Variants in LCMT1 observed in about 807,000 individuals in gnomAD.
The protein encoded by LCMT1 is [Phosphatase 2A protein]-leucine-carboxy methyltransferase 1.
Under a neutral mutation model 47.7 loss-of-function variants are expected in LCMT1, and 32 were observed. The ratio of observed to expected loss-of-function variants is 0.67; its 90% CI spans 0.51 to 0.90. The LOEUF (loss-of-function observed/expected upper bound fraction) is 0.90, where lower values mean the gene tolerates loss of function less well. LCMT1 is among the 40% of genes least tolerant of loss of function. LCMT1 has a pLI of 0.00. For missense variants in LCMT1, 375 were observed against 415.2 expected (o/e 0.90, Z 0.84); for synonymous variants, 152 against 149.7 (o/e 1.02, Z -0.11).
chr16:25,122,609 G>T (rs1025840404), intron 1 of LCMT1, among the ~76,000 whole-genome samples: 2 of 151,616 alleles, frequency 1.3e-5, no homozygotes, highest in East Asian at 2.0e-4. Context: ...GATTACAGGT[G>T]CGAGCCACTG....
At chr16:25,162,314 C>T (rs866109485) in intron 6 of LCMT1, among the ~76,000 whole-genome samples, 8 of 152,136 alleles carry the variant, frequency 5.3e-5, no homozygotes, top group South Asian at 2.1e-4. Flanking sequence ...ATAGGCTGGG[C>T]GTGGTGCCTC....
intron 1 of LCMT1, among the ~76,000 whole-genome samples, chr16:25,117,021 G>T (rs551999621): frequency 6.6e-6 from 1 of 152,170 alleles, no homozygotes; most frequent in African/African-American, 2.4e-5. Flanking sequence ...GGAGTGGGTA[G>T]CAGGTTAGAA....
chr16:25,116,225 G>C (rs534512528), intron 1 of LCMT1, among the ~76,000 whole-genome samples: 4 of 152,282 alleles, frequency 2.6e-5, no homozygotes, highest in East Asian at 3.9e-4. Context: ...ACTGAAAGCA[G>C]GTGGGAAAAT....
In LCMT1 at chr16:25,176,550, CTTTTTTTTTTTTTTTTT is replaced by C. The variant is rs1170373745; in HGVS notation, c.983-1437_983-1421del. On this transcript the variant is annotated intron_variant, in intron 10 of 10. Coordinates refer to ENST00000399069, the MANE Select transcript of LCMT1 (RefSeq NM_016309.3). ...GGTTTTGGTTTTTGTTTTTTTTTGGCTTTTTTTTTTTTTTTTTTTTTTTTTTTTTTGAGATGGAGTCT... is the reference window on the plus strand; with the variant it reads ...GGTTTTGGTTTTTGTTTTTTTTTGGCTTTTTTTTTTTTTGAGATGGAGTCT... Among the ~76,000 whole-genome samples, 6 of 44,270 alleles carry C rather than the reference CTTTTTTTTTTTTTTTTT, an allele frequency of 1.4e-4. No homozygotes were observed. The East Asian group carries it at 2.9e-3, about 22-fold the overall frequency. The allele number at this position is 44,270 out of a possible 152,430, so 29.0% of individuals were successfully genotyped here. A position where few individuals can be genotyped will look rare whatever the true frequency, so the allele number is the denominator to read the frequency against.
chr16:25,139,001 G>C (rs1247410289), intron 3 of LCMT1, among the ~76,000 whole-genome samples: 1 of 151,890 alleles, frequency 6.6e-6, no homozygotes, highest in African/African-American at 2.4e-5. Context: ...GTGCAGCAGC[G>C]CGATCTCAGC....
chr16:25,135,452 A>G (rs917329485), intron 3 of LCMT1, among the ~76,000 whole-genome samples: 16 of 152,216 alleles, frequency 1.1e-4, no homozygotes, highest in African/African-American at 3.1e-4. Flanking sequence ...CAGCCATATG[A>G]CAATTATAAC....
At position 25,128,582 on chromosome 16, in the gene LCMT1, C is replaced by T. The variant is rs1279893499; in HGVS notation, c.205+16C>T. ...ATCAACAGAGGCAAGTGACCATCTC[C>T]CTCCCCAACAGCACCTCATCAGCTA... On this transcript the variant is annotated intron_variant, in intron 2 of 10. Coordinates refer to ENST00000399069, the MANE Select transcript of LCMT1 (RefSeq NM_016309.3). The T allele has an allele frequency of 6.4e-7, 1 of 1,565,374 alleles. No individual in the cohort carries two copies. The highest frequency in any genetic ancestry group is 1.7e-4 in the Middle Eastern group (1 of 6,002).
chr16:25,124,046 T>C (rs1960083628), intron 1 of LCMT1, among the ~76,000 whole-genome samples: 1 of 152,204 alleles, frequency 6.6e-6, no homozygotes. Flanking sequence ...TACTGAGTAT[T>C]CTTAGTCCAT....
rs115560079 is a variant in LCMT1, at chr16:25,177,757, G to A, written c.983-244G>A. On this transcript the variant is annotated intron_variant, in intron 10 of 10. Coordinates refer to ENST00000399069, the MANE Select transcript of LCMT1 (RefSeq NM_016309.3). The stretch of plus-strand genomic sequence containing the variant: ...AGCACATAAAGGGTAGATTTTTGGC[G>A]TTAACTGCAGACAGTCCATAAACTG... 2.7e-3 allele frequency among the ~76,000 whole-genome samples: 416 copies of A among 152,258 alleles called. 1 individual carries two copies. The highest frequency in any genetic ancestry group is 7.6e-3 in the African/African-American group (316 of 41,560).
chr16:25,176,346 GT>G (rs1961938295), intron 10 of LCMT1, among the ~76,000 whole-genome samples: 1 of 151,804 alleles, frequency 6.6e-6, no homozygotes. Flanking sequence ...CACATGACAT[GT>G]GGTCACAAGC....
At chr16:25,134,067 AT>A (rs993954679) in intron 3 of LCMT1, among the ~76,000 whole-genome samples, 22 of 140,640 alleles carry the variant, frequency 1.6e-4, no homozygotes, top group South Asian at 6.7e-4. Context: ...CACTAATTGC[AT>A]TTTTTTTTTG....
chr16:25,155,503 C>G (rs1961227669), intron 5 of LCMT1, among the ~76,000 whole-genome samples: 1 of 152,036 alleles, frequency 6.6e-6, no homozygotes, highest in Non-Finnish European at 1.5e-5. Context: ...GCTGTGATTG[C>G]ACCACAGCAC....
intron 6 of LCMT1, among the ~76,000 whole-genome samples, chr16:25,162,044 A>C (rs1248575858): frequency 6.6e-6 from 1 of 152,214 alleles, no homozygotes; most frequent in Non-Finnish European, 1.5e-5. Context: ...TCACAGTACA[A>C]CTACTGTGAG....
chr16:25,157,466 G>C (rs560055063), intron 5 of LCMT1, among the ~76,000 whole-genome samples: 2 of 152,084 alleles, frequency 1.3e-5, no homozygotes, highest in African/African-American at 2.4e-5. Context: ...GAGGCAGCCT[G>C]GGGGGTCGAG....
intron 4 of LCMT1, chr16:25,143,306 C>T (rs761529430): frequency 2.0e-5 from 3 of 152,132 alleles, no homozygotes; most frequent in African/African-American, 4.8e-5. Context: ...ACCCAGGACT[C>T]GTGCGTCTCC....
At chr16:25,140,148 A>G in intron 3 of LCMT1, 23 bp from the exon 4 acceptor site, 1 of 1,560,044 alleles carries the variant, frequency 6.4e-7, no homozygotes, top group Non-Finnish European at 8.8e-7. Context: ...AAGAAATAAA[A>G]AGTATTGTGT....
chr16:25,129,757 T>C (rs553968991), intron 2 of LCMT1, among the ~76,000 whole-genome samples: 17 of 152,342 alleles, frequency 1.1e-4, no homozygotes, highest in African/African-American at 3.8e-4. Context: ...GGTTTTTCTA[T>C]AAGGAGACAT....
chr16:25,112,335 A>G (rs72483414), intron 1 of LCMT1, among the ~76,000 whole-genome samples: 1 of 152,228 alleles, frequency 6.6e-6, no homozygotes, highest in African/African-American at 2.4e-5. Flanking sequence ...ATGGGTTACG[A>G]GGATGAGAGG....
At chr16:25,155,487 C>T (rs1439216616) in intron 5 of LCMT1, among the ~76,000 whole-genome samples, 1 of 152,024 alleles carries the variant, frequency 6.6e-6, no homozygotes, top group East Asian at 1.9e-4. Context: ...TTGTAGGCTA[C>T]AGAGAGCTGT....
Sources: gnomAD v4.1 joint callset for allele counts (sites outside exome capture counted in the v4.1 genomes callset) on GRCh38, gnomAD v4.1.1 for gene constraint, MANE v1.5 for transcripts, NCBI Gene and HGNC (gene_info 2026-07-23, HGNC 2026-07-21) for gene names.